Variants in POLA1 observed in about 807,000 individuals in gnomAD.
POLA1 encodes the protein DNA polymerase alpha 1, catalytic subunit, also known as DNA polymerase alpha catalytic subunit.
Under a neutral mutation model 124.0 loss-of-function variants are expected in POLA1, and 15 were observed. The observed-to-expected ratio is 0.12, with a 90% CI of 0.08 to 0.19. The LOEUF (loss-of-function observed/expected upper bound fraction) is 0.19, where lower values mean the gene tolerates loss of function less well. POLA1 is among the 10% of genes least tolerant of loss of function. The probability of loss-of-function intolerance (pLI) is 1.00; values close to 1 mark genes in which losing one functional copy is unlikely to be tolerated. For missense variants in POLA1, 886 were observed against 1,103.4 expected, an observed-to-expected ratio of 0.80 and a Z score of 2.79; for synonymous variants, 408 against 389.4, an observed-to-expected ratio of 1.05 and a Z score of -0.56.
At chrX:24,851,434 T>A (rs1425664409) in intron 34 of POLA1, among the ~76,000 whole-genome samples, 2 of 112,783 alleles carry the variant, frequency 1.8e-5, no homozygotes, top group Non-Finnish European at 3.7e-5. Flanking sequence ...GCTTAGCATC[T>A]TCTTTGCAGT....
chrX:24,764,184 G>A (rs888104343), intron 26 of POLA1, among the ~76,000 whole-genome samples: 3 of 112,158 alleles, frequency 2.7e-5, no homozygotes, highest in African/African-American at 9.7e-5. Flanking sequence ...CTTGAAATGC[G>A]TTTGATACAT....
chrX:24,745,560 G>A lies in POLA1; in HGVS notation c.2691+18G>A. 1 of 1,099,267 alleles carries A rather than the reference G, an allele frequency of 9.1e-7. No homozygotes were observed. The allele number at this position is 1,099,267 out of a possible 1,213,427, so 90.6% of individuals were successfully genotyped here. On this transcript the variant is annotated intron_variant, in intron 24 of 36. Transcript: ENST00000379068. The stretch of plus-strand genomic sequence containing the variant: ...TTACAGAGGTTTGTATTTAACCTGG[G>A]ACTCTTGAAATTGAGTTTAAAAAAA...
rs754744930 is a variant in POLA1, at chrX:24,860,365, G to A, written c.4047+16688G>A. ...TTTTGGAGAGCTGTTATATTTATTG[G>A]TCATATGCCCAGTGGACTTCCTTCC... is the stretch of plus-strand genomic sequence containing the variant. On this transcript the variant is annotated intron_variant, in intron 34 of 36. Transcript: ENST00000379068. Among the ~76,000 whole-genome samples, 3 of 112,457 alleles carry A rather than the reference G, an allele frequency of 2.7e-5. No individual in the cohort carries two copies. In the South Asian group the frequency reaches 1.1e-3, roughly 42 times the overall value.
In POLA1 at chrX:24,909,653, T is replaced by C. The variant is rs768615316; in HGVS notation, c.4165-20800T>C. Among the ~76,000 whole-genome samples, 305 of 111,674 alleles carry C rather than the reference T, an allele frequency of 2.7e-3. 5 individuals are homozygous for C. Among genetic ancestry groups the C allele is most frequent in the Admixed American group, 0.026 (277 of 10,553 alleles). On this transcript the variant is annotated intron_variant, in intron 35 of 36. Transcript: ENST00000379068. ...GGTTACTGTAGCCTTGTAGTATAGTTTGAAGTCAGGTAGCGTGATGCCTCC... is the reference window on the plus strand; with the variant it reads ...GGTTACTGTAGCCTTGTAGTATAGTCTGAAGTCAGGTAGCGTGATGCCTCC...
intron 4 of POLA1, among the ~76,000 whole-genome samples, chrX:24,710,105 G>C (rs1412871723): frequency 1.0e-4 from 9 of 86,840 alleles, no homozygotes; most frequent in African/African-American, 3.8e-4. Context: ...CCCGGGCGGC[G>C]CTCGCCGGCG....
chrX:24,714,854 A>G (rs1929718682), intron 5 of POLA1, among the ~76,000 whole-genome samples, 185 bp downstream of exon 5: 1 of 112,715 alleles, frequency 8.9e-6, no homozygotes, highest in Non-Finnish European at 1.9e-5. Context: ...CGAAATGGAA[A>G]AGAGAATTGA....
At chrX:24,722,878 A>G (rs1180131926) in intron 10 of POLA1, among the ~76,000 whole-genome samples, 1 of 111,965 alleles carries the variant, frequency 8.9e-6, no homozygotes, top group Non-Finnish European at 1.9e-5. Flanking sequence ...AATCTGTATA[A>G]TCCTGGTTGT....
In POLA1 at chrX:24,748,311, G is replaced by A. The variant is rs770084042; in HGVS notation, c.2692G>A (p.Asp898Asn). 1 of 1,181,692 alleles carries A rather than the reference G, an allele frequency of 8.5e-7. No homozygotes were observed. The highest frequency in any genetic ancestry group is 1.1e-6 in the Non-Finnish European group (1 of 878,707). ...GTGAAATTTGTTGTGTGTTTATCAG[G>A]ATGGAGAACAAGAACAGATCCCTGA... Reference protein sequence around the residue: ...VASEAQKVTEDGEQEQIPELP... With the variant: ...VASEAQKVTENGEQEQIPELP... Residue 898 changes from aspartate to asparagine, a missense_variant and splice_region_variant, in exon 25 of 37, where the codon GAT (aspartate) becomes AAT (asparagine). Asp to Asn is a conservative substitution (Grantham distance 23). Around this residue, in one of 7 missense-constraint regions of POLA1, gnomAD observed 182 missense variants for 252.8 expected, o/e 0.72. Transcript: ENST00000379068.
At chrX:24,716,833 A>C (rs764203216) in intron 7 of POLA1, 51 bp from the exon 8 acceptor site, 15 of 754,474 alleles carry the variant, frequency 2.0e-5, no homozygotes, top group Admixed American at 7.8e-5. Context: ...GGACAGTTGC[A>C]TATTTTTAGT....
intron 34 of POLA1, among the ~76,000 whole-genome samples, chrX:24,872,047 G>A (rs759611773): frequency 9.0e-6 from 1 of 111,335 alleles, no homozygotes; most frequent in Non-Finnish European, 1.9e-5. Context: ...ATCTGCTAGA[G>A]GCAGCCCGGT....
intron 26 of POLA1, among the ~76,000 whole-genome samples, chrX:24,751,696 A>G (rs182914992): frequency 1.8e-5 from 2 of 112,371 alleles, no homozygotes; most frequent in East Asian, 2.8e-4. Flanking sequence ...AATGATTTTT[A>G]AAGTATTGGT....
At chrX:24,893,875 AT>A (rs200481810) in intron 35 of POLA1, among the ~76,000 whole-genome samples, 5 of 108,971 alleles carry the variant, frequency 4.6e-5, no homozygotes, top group African/African-American at 6.7e-5. Context: ...TTTGGCCTGA[AT>A]TTTTTTTTTC....
intron 17 of POLA1, among the ~76,000 whole-genome samples, chrX:24,734,575 T>C (rs1375933662): frequency 9.0e-6 from 1 of 111,580 alleles, no homozygotes; most frequent in East Asian, 2.8e-4. Context: ...TGCCGTGAAT[T>C]ACCTAACCAG....
chrX:24,722,014 G>A (rs1442472146), intron 10 of POLA1, among the ~76,000 whole-genome samples: 1 of 110,469 alleles, frequency 9.1e-6, no homozygotes, highest in African/African-American at 3.3e-5. Flanking sequence ...CAAGCTGAAA[G>A]TCTCACAACT....
chrX:24,884,637 C>CA (rs1177502344), intron 34 of POLA1, among the ~76,000 whole-genome samples: 1 of 111,862 alleles, frequency 8.9e-6, no homozygotes, highest in Non-Finnish European at 1.9e-5. Flanking sequence ...ACACCATGAC[C>CA]AAAAGCTTAA....
chrX:24,911,691 G>T (rs1020176240), intron 35 of POLA1, among the ~76,000 whole-genome samples: 5 of 111,405 alleles, frequency 4.5e-5, no homozygotes, highest in African/African-American at 1.6e-4. Context: ...CAATAAAATT[G>T]ATAAGCCTCT....
intron 26 of POLA1, among the ~76,000 whole-genome samples, chrX:24,774,611 T>C (rs2148443482): frequency 9.0e-6 from 1 of 111,641 alleles, no homozygotes; most frequent in Non-Finnish European, 1.9e-5. Flanking sequence ...GAGCCCACAC[T>C]GTTGTATATA....
chrX:24,824,427 G>C (rs921162185), intron 31 of POLA1, among the ~76,000 whole-genome samples: 1 of 106,397 alleles, frequency 9.4e-6, no homozygotes, highest in Non-Finnish European at 1.9e-5. Flanking sequence ...TGAGTAGCTG[G>C]GACCACAGAT....
intron 26 of POLA1, among the ~76,000 whole-genome samples, chrX:24,784,262 A>C (rs2045323282): frequency 1.9e-5 from 2 of 106,797 alleles, no homozygotes; most frequent in Non-Finnish European, 3.8e-5. Context: ...CATGTTGGCC[A>C]CTCTGGTCTC....
Sources: allele counts gnomAD v4.1 joint callset (sites outside exome capture counted in the v4.1 genomes callset), GRCh38; gene constraint gnomAD v4.1.1; regional missense constraint gnomAD v4.1.1; transcripts MANE v1.5; gene names NCBI Gene and HGNC (gene_info 2026-07-23, HGNC 2026-07-21).